COL8A1: variants seen among roughly 807,000 people sequenced by gnomAD.
The protein encoded by COL8A1 is collagen alpha-1(VIII) chain.
A neutral mutation model predicts 42.7 loss-of-function variants in COL8A1; 21 were observed. The observed-to-expected ratio is 0.49, with a 90% confidence interval of 0.35 to 0.71. COL8A1 has a LOEUF of 0.71. Among genes scored for constraint, COL8A1 ranks in the 30% least tolerant of loss-of-function variants. The probability of loss-of-function intolerance (pLI) is 0.01; values close to 1 mark genes in which losing one functional copy is unlikely to be tolerated. For missense variants in COL8A1, 788 were observed against 962.4 expected, an observed-to-expected ratio of 0.82 and a Z score of 2.40; for synonymous variants, 367 against 369.1, an observed-to-expected ratio of 0.99 and a Z score of 0.06.
At chr3:99,655,331 T>C (rs1424434491) in intron 1 of COL8A1, among the ~76,000 whole-genome samples, 4 of 152,214 alleles carry the variant, frequency 2.6e-5, no homozygotes, top group Admixed American at 6.5e-5. Flanking sequence ...TTTGAGACAT[T>C]CAACACACAT....
At chr3:99,715,683 G>C (rs2107362484) in intron 1 of COL8A1, among the ~76,000 whole-genome samples, 1 of 152,118 alleles carries the variant, frequency 6.6e-6, no homozygotes, top group Non-Finnish European at 1.5e-5. Context: ...AGCTACATAA[G>C]CTGTCAGCAA....
chr3:99,687,398 T>G (rs1939094632), intron 1 of COL8A1, among the ~76,000 whole-genome samples: 1 of 152,228 alleles, frequency 6.6e-6, no homozygotes, highest in African/African-American at 2.4e-5. Context: ...TTAGGCATCA[T>G]GCAAATGTTA....
chr3:99,734,873 G>C (rs1940653452), intron 1 of COL8A1, among the ~76,000 whole-genome samples: 1 of 152,086 alleles, frequency 6.6e-6, no homozygotes, highest in South Asian at 2.1e-4. Context: ...CACATCCCTT[G>C]TAAGTTGGAT....
intron 1 of COL8A1, among the ~76,000 whole-genome samples, chr3:99,689,674 G>C (rs1939161133): frequency 6.6e-6 from 1 of 151,958 alleles, no homozygotes; most frequent in Admixed American, 6.6e-5. Flanking sequence ...TAAATATATG[G>C]CTATAAATTA....
At chr3:99,679,526 A>G (rs1007941269) in intron 1 of COL8A1, 1 of 152,234 alleles carries the variant, frequency 6.6e-6, no homozygotes, top group Admixed American at 6.5e-5. Flanking sequence ...ATAGTGGCCT[A>G]TTGAAATCAT....
intron 2 of COL8A1, among the ~76,000 whole-genome samples, chr3:99,776,351 G>A (rs1474153409): frequency 6.6e-6 from 1 of 152,126 alleles, no homozygotes; most frequent in Non-Finnish European, 1.5e-5. Flanking sequence ...GTCTGTCTTT[G>A]CCTTGGATTG....
At chr3:99,727,079 T>A (rs1318682580) in intron 1 of COL8A1, among the ~76,000 whole-genome samples, 1 of 152,162 alleles carries the variant, frequency 6.6e-6, no homozygotes, top group Non-Finnish European at 1.5e-5. Context: ...TGTATCCTCT[T>A]TTATTTCATT....
intron 1 of COL8A1, among the ~76,000 whole-genome samples, chr3:99,646,938 T>C (rs1468320820): frequency 1.3e-5 from 2 of 152,230 alleles, no homozygotes; most frequent in African/African-American, 2.4e-5. Flanking sequence ...TGTTTAATAA[T>C]GACTTTTGTA....
chr3:99,756,717 T>G (rs1208471513), intron 2 of COL8A1, among the ~76,000 whole-genome samples: 1 of 152,238 alleles, frequency 6.6e-6, no homozygotes, highest in Non-Finnish European at 1.5e-5. Context: ...TACGCTGTGC[T>G]GAACTTGGAC....
intron 1 of COL8A1, among the ~76,000 whole-genome samples, chr3:99,648,841 G>A (rs2107286727): frequency 6.6e-6 from 1 of 152,198 alleles, no homozygotes; most frequent in Non-Finnish European, 1.5e-5. Context: ...CAGTAAACAT[G>A]ACTTAAATGT....
rs111632394 is a variant in COL8A1 at position 99,728,313 on chromosome 3, G to A, written c.-128-16584G>A. ...GCAAAGTCTCAGGATCTACCTGCTC[G>A]TTCTACCAAGATTCTAGAGCATTTC... On this transcript the variant is annotated intron_variant, in intron 1 of 3. Coordinates refer to ENST00000652472, the MANE Select transcript of COL8A1 (RefSeq NM_020351.4). Among the ~76,000 whole-genome samples, 307 of 152,132 alleles carry A rather than the reference G, an allele frequency of 2.0e-3. 2 individuals carry two copies. Among genetic ancestry groups the A allele is most frequent in the Admixed American group, 4.3e-3 (65 of 15,228 alleles).
At chr3:99,740,867 T>C (rs1325439809) in intron 1 of COL8A1, among the ~76,000 whole-genome samples, 1 of 152,194 alleles carries the variant, frequency 6.6e-6, no homozygotes, top group Non-Finnish European at 1.5e-5. Context: ...TTCTATAATA[T>C]AAAATACATA....
At chr3:99,744,273 TAG>T (rs1290297315) in intron 1 of COL8A1, among the ~76,000 whole-genome samples, 10 of 152,292 alleles carry the variant, frequency 6.6e-5, no homozygotes, top group African/African-American at 2.4e-4. Context: ...GAAAATAAAA[TAG>T]AGAGTATCTA....
At chr3:99,731,992 TA>T (rs780326749) in intron 1 of COL8A1, among the ~76,000 whole-genome samples, 2 of 152,112 alleles carry the variant, frequency 1.3e-5, no homozygotes, top group African/African-American at 2.4e-5. Context: ...CAAGGCTTGT[TA>T]ACAAACACCA....
chr3:99,741,249 G>A (rs1576458764), intron 1 of COL8A1, among the ~76,000 whole-genome samples: 2 of 151,874 alleles, frequency 1.3e-5, no homozygotes, highest in South Asian at 4.2e-4. Flanking sequence ...AATTTAATTG[G>A]CTATTTTCCT....
chr3:99,718,536 C>T (rs918083633), intron 1 of COL8A1, among the ~76,000 whole-genome samples: 12 of 152,042 alleles, frequency 7.9e-5, no homozygotes, highest in Non-Finnish European at 1.6e-4. Flanking sequence ...TAGGCTACTT[C>T]TAATCCCATC....
intron 1 of COL8A1, among the ~76,000 whole-genome samples, chr3:99,720,381 A>T: frequency 6.6e-6 from 1 of 152,160 alleles, no homozygotes; most frequent in East Asian, 1.9e-4. Flanking sequence ...GATATGGAAC[A>T]AAAAAGTTCC....
intron 1 of COL8A1, among the ~76,000 whole-genome samples, chr3:99,737,913 C>G (rs1420201141): frequency 6.0e-5 from 9 of 151,022 alleles, no homozygotes; most frequent in Admixed American, 3.3e-4. Context: ...TTCTTGGAGG[C>G]TTTGCTCATT....
At chr3:99,679,098 T>C (rs940256676) in intron 1 of COL8A1, 3 of 152,220 alleles carry the variant, frequency 2.0e-5, no homozygotes, top group African/African-American at 2.4e-5. Flanking sequence ...CACTAAAGCT[T>C]TCAGAGCTTG....
Sources: gnomAD v4.1 joint callset for allele counts (sites outside exome capture counted in the v4.1 genomes callset) on GRCh38, gnomAD v4.1.1 for gene constraint, MANE v1.5 for transcripts, NCBI Gene and HGNC (gene_info 2026-07-23, HGNC 2026-07-21) for gene names.